ZNF776: variants seen among roughly 807,000 people sequenced by gnomAD.
ZNF776 encodes zinc finger protein 776.
In ZNF776, 4 loss-of-function variants were observed where a neutral mutation model predicts 7.0. That is an observed-to-expected ratio of 0.57 (90% CI 0.28 to 1.31). The LOEUF (loss-of-function observed/expected upper bound fraction) is 1.31, where lower values mean the gene tolerates loss of function less well. Among genes scored for constraint, ZNF776 ranks in the 50% most tolerant of loss-of-function variants. The pLI, the probability that ZNF776 is intolerant of heterozygous loss-of-function variation, is 0.10. For missense variants in ZNF776, 555 were observed against 625.9 expected (o/e 0.89, Z 1.21); for synonymous variants, 212 against 213.7 (o/e 0.99, Z 0.07).
intron 1 of ZNF776, among the ~76,000 whole-genome samples, chr19:57,748,179 G>A (rs1394202062): frequency 6.6e-6 from 1 of 152,154 alleles, no homozygotes; most frequent in Non-Finnish European, 1.5e-5. Flanking sequence ...AACAGACTAA[G>A]ATTCATGGCT....
Position 57,754,870 on chromosome 19 carries a change from G to A in ZNF776, c.*183G>A, listed in dbSNP as rs1222030936. 2 of 606,922 alleles carry A rather than the reference G, an allele frequency of 3.3e-6. No individual in the cohort carries two copies. Among genetic ancestry groups the A allele is most frequent in the Non-Finnish European group, 5.6e-6 (2 of 356,488 alleles). The allele number at this position is 606,922 out of a possible 1,614,324, so 37.6% of individuals were successfully genotyped here. A position where few individuals can be genotyped will look rare whatever the true frequency, so the allele number is the denominator to read the frequency against. ...GAGTGTAGAGAATGTATGAAATCCT[G>A]TACATAGAAGTTTTGCCTCACCAAA... On this transcript the variant is annotated 3_prime_UTR_variant, in exon 3 of 3. Transcript: ENST00000317178.
At position 57,746,936 on chromosome 19, in the gene ZNF776, T is replaced by TGCGCGGCC. The variant is rs1986448223; in HGVS notation, c.-121_-120insGCGGCCGC. 1.0e-6 allele frequency: 1 copy of TGCGCGGCC among 979,628 alleles called. No individual in the cohort carries two copies. Among genetic ancestry groups the TGCGCGGCC allele is most frequent in the South Asian group, 1.7e-5 (1 of 58,022 alleles). 60.7% of individuals were successfully genotyped at this position (979,628 alleles called of 1,614,324 possible). ...GACGTTGTCCCGACTGCACAGAGGC[T>TGCGCGGCC]GCTCTGCAGCTCCTTAAAGGCGCTA... On this transcript the variant is annotated 5_prime_UTR_variant, in exon 1 of 3. Transcript: ENST00000317178.
intron 1 of ZNF776, among the ~76,000 whole-genome samples, chr19:57,748,151 G>A (rs564554019): frequency 2.3e-4 from 35 of 152,284 alleles, no homozygotes; most frequent in African/African-American, 8.2e-4. Context: ...GGCTTTTGCC[G>A]TAATCCAAGT....
chr19:57,751,945 C>T (rs1273675533), intron 2 of ZNF776, among the ~76,000 whole-genome samples: 3 of 136,486 alleles, frequency 2.2e-5, no homozygotes, highest in African/African-American at 8.0e-5. Context: ...AATCTCGGCT[C>T]ACTGCAACCT....
chr19:57,756,916 G>A lies in ZNF776; in HGVS notation c.*2229G>A, dbSNP rs757338408. The A allele has an allele frequency of 2.9e-5, 13 of 449,642 alleles. No homozygotes were observed. Among genetic ancestry groups the A allele is most frequent in the Non-Finnish European group, 5.4e-5 (12 of 224,298 alleles). 27.9% of individuals were successfully genotyped at this position (449,642 alleles called of 1,614,324 possible). A position where few individuals can be genotyped will look rare whatever the true frequency, so the allele number is the denominator to read the frequency against. On this transcript the variant is annotated 3_prime_UTR_variant, in exon 3 of 3. Transcript: ENST00000317178. ...AACTCAGGCTGGAATACACTGGCAT[G>A]GTCATACCTCACTGCGGCCTCAAAC...
chr19:57,755,437 T>C lies in ZNF776; in HGVS notation c.*750T>C, dbSNP rs973347396. On this transcript the variant is annotated 3_prime_UTR_variant, in exon 3 of 3. Coordinates refer to ENST00000317178, the MANE Select transcript of ZNF776 (RefSeq NM_173632.4). ...TCAAGGCTTTATGGTGTGACAAATA[T>C]GGCACATTCTTTATCTAAATGTCTA... 1 of 152,290 alleles carries C rather than the reference T, an allele frequency of 6.6e-6. No individual in the cohort carries two copies. Among genetic ancestry groups the C allele is most frequent in the East Asian group, 1.9e-4 (1 of 5,204 alleles). 9.4% of individuals were successfully genotyped at this position (152,290 alleles called of 1,614,324 possible). A position where few individuals can be genotyped will look rare whatever the true frequency, so the allele number is the denominator to read the frequency against.
intron 1 of ZNF776, among the ~76,000 whole-genome samples, chr19:57,748,626 T>C (rs905739351): frequency 6.6e-6 from 1 of 152,128 alleles, no homozygotes; most frequent in African/African-American, 2.4e-5. Context: ...ACTGCATCTG[T>C]TGCTTGGGTC....
In ZNF776 at chr19:57,757,224, C is replaced by T. The variant is rs1986803234; in HGVS notation, c.*2537C>T. On this transcript the variant is annotated 3_prime_UTR_variant, in exon 3 of 3. Transcript: ENST00000317178. ...GGATATACTTTTTTTAAAAAGGCAT[C>T]CACAATGATTCAGTCACTATGTCTG... The T allele has an allele frequency of 6.2e-6, 1 of 160,364 alleles. No individual in the cohort carries two copies. The highest frequency in any genetic ancestry group is 6.4e-5 in the Admixed American group (1 of 15,730). The allele number at this position is 160,364 out of a possible 1,614,324, so 9.9% of individuals were successfully genotyped here.
rs1056798796 is a variant in ZNF776, at chr19:57,754,768, G to A, written c.*81G>A. ...ACACTGGAAAGCACTTATGAGTATGGAGAATGTGCAAAATCATCTAGCCAA... is the reference window on the plus strand; with the variant it reads ...ACACTGGAAAGCACTTATGAGTATGAAGAATGTGCAAAATCATCTAGCCAA... On this transcript the variant is annotated 3_prime_UTR_variant, in exon 3 of 3. Transcript: ENST00000317178. The A allele has an allele frequency of 7.0e-7, 1 of 1,430,920 alleles. No homozygotes were observed. The highest frequency in any genetic ancestry group is 1.4e-5 in the African/African-American group (1 of 70,350). The allele number at this position is 1,430,920 out of a possible 1,614,324, so 88.6% of individuals were successfully genotyped here.
chr19:57,747,751 C>T (rs763159229), intron 1 of ZNF776, among the ~76,000 whole-genome samples: 1 of 152,068 alleles, frequency 6.6e-6, no homozygotes, highest in Non-Finnish European at 1.5e-5. Context: ...ACTTGCAGAA[C>T]CTCCGCAGGG....
In ZNF776 at chr19:57,754,676, C is replaced by T; in HGVS notation, c.1546C>T (p.His516Tyr). 1 of 1,607,242 alleles carries T rather than the reference C, an allele frequency of 6.2e-7. No individual in the cohort carries two copies. Among genetic ancestry groups the T allele is most frequent in the Non-Finnish European group, 8.5e-7 (1 of 1,174,786 alleles). ...HQRVHTGERH[H>Y]EC ...ACGAGTTCACACGGGAGAAAGACAT[C>T]ATGAATGTTGAAAATTTGGCAGATC... The change falls in exon 3 of 3, where the codon CAT (histidine) becomes TAT (tyrosine). Residue 516 changes from histidine to tyrosine, a missense_variant. Coordinates refer to ENST00000317178, the MANE Select transcript of ZNF776 (RefSeq NM_173632.4).
At position 57,757,786 on chromosome 19, in the gene ZNF776, T is replaced by A. The variant is rs2122530911; in HGVS notation, c.*3099T>A. On this transcript the variant is annotated 3_prime_UTR_variant, in exon 3 of 3. Coordinates refer to ENST00000317178, the MANE Select transcript of ZNF776 (RefSeq NM_173632.4). ...GTCTCTTAAAAAATAAATACTATCT[T>A]TCTCTCTGGCCTCTCCATGCTCCAG... is the stretch of plus-strand genomic sequence containing the variant. 1 of 152,240 alleles carries A rather than the reference T, an allele frequency of 6.6e-6. No homozygotes were observed. The highest frequency in any genetic ancestry group is 1.9e-4 in the East Asian group (1 of 5,168). The allele number at this position is 152,240 out of a possible 1,614,324, so 9.4% of individuals were successfully genotyped here. A position where few individuals can be genotyped will look rare whatever the true frequency, so the allele number is the denominator to read the frequency against.
chr19:57,753,083 A>G (rs192954958), intron 2 of ZNF776, among the ~76,000 whole-genome samples: 1 of 152,352 alleles, frequency 6.6e-6, no homozygotes, highest in Admixed American at 6.5e-5. Context: ...TGAAGGAGCC[A>G]ACAATACATG....
intron 2 of ZNF776, 36 bp from the exon 3 acceptor site, chr19:57,753,255 G>A: frequency 6.3e-7 from 1 of 1,584,972 alleles, no homozygotes; most frequent in Non-Finnish European, 8.6e-7. Flanking sequence ...CCCTTCGGAA[G>A]TACCTTGCAT....
At position 57,753,553 on chromosome 19, in the gene ZNF776, G is replaced by A. The variant is rs750918354; in HGVS notation, c.423G>A (p.Ser141=). 7.4e-6 allele frequency: 12 copies of A among 1,614,188 alleles called. No homozygotes were observed. Among genetic ancestry groups the A allele is most frequent in the Non-Finnish European group, 9.3e-6 (11 of 1,180,022 alleles). ...AGAAGCAGCACATTGGAGAGAAATC[G>A]TACAGAAGCAATGCCAAGGGAACAT... ...QDQKQHIGEK[S]YRSNAKGTSF... The change falls in exon 3 of 3, where the codon TCG becomes TCA. Residue 141 remains serine (S), a synonymous_variant. Transcript: ENST00000317178.
rs766837454 is a variant in ZNF776, at chr19:57,754,283, T to C, written c.1153T>C (p.Phe385Leu). The change falls in exon 3 of 3, where the codon TTT (phenylalanine) becomes CTT (leucine). Residue 385 changes from phenylalanine to leucine, a missense_variant. Physicochemically the swap from Phe to Leu is conservative, Grantham distance 22. Coordinates refer to ENST00000317178, the MANE Select transcript of ZNF776 (RefSeq NM_173632.4). ...PFECTACGKL[F>L]RSNSHLKEHQ... ...TGAGTGTACGGCATGTGGGAAGTTA[T>C]TTAGGAGCAACTCCCACCTAAAGGA... 5 of 1,613,802 alleles carry C rather than the reference T, an allele frequency of 3.1e-6. No individual in the cohort carries two copies. Among genetic ancestry groups the C allele is most frequent in the South Asian group, 1.1e-5 (1 of 91,074 alleles).
chr19:57,753,781 T>G lies in ZNF776; in HGVS notation c.651T>G (p.Phe217Leu), dbSNP rs376321706. 6.5e-5 allele frequency: 105 copies of G among 1,614,120 alleles called. No homozygotes were observed. Among genetic ancestry groups the G allele is most frequent in the Non-Finnish European group, 8.1e-5 (95 of 1,180,054 alleles). ...HYICGESTIP[F>L]SNKHSLVLHQ... ...TCTGTGGAGAGTCCACAATACCGTT[T>G]AGCAACAAACACTCACTTGTCCTTC... The change falls in exon 3 of 3, where the codon TTT becomes TTG. Residue 217 changes from phenylalanine (F) to leucine (L), a missense_variant. Coordinates refer to ENST00000317178, the MANE Select transcript of ZNF776 (RefSeq NM_173632.4).
chr19:57,753,142 C>T (rs1196339797), intron 2 of ZNF776, 149 bp from the exon 3 acceptor site: 1 of 707,072 alleles, frequency 1.4e-6, no homozygotes, highest in South Asian at 2.1e-5. Flanking sequence ...ATCTAAAGGA[C>T]CTTCATAAAG....
intron 2 of ZNF776, among the ~76,000 whole-genome samples, chr19:57,751,874 T>TTTG (rs1390205534): frequency 1.8e-5 from 2 of 113,950 alleles, no homozygotes; most frequent in Non-Finnish European, 3.4e-5. Context: ...TTTTGTTTTT[T>TTTG]TTTTTTTTTT....
Sources: gnomAD v4.1 joint callset for allele counts (sites outside exome capture counted in the v4.1 genomes callset) on GRCh38, gnomAD v4.1.1 for gene constraint, MANE v1.5 for transcripts, NCBI Gene and HGNC (gene_info 2026-07-23, HGNC 2026-07-21) for gene names.